KDM4C: variants seen among roughly 807,000 people sequenced by gnomAD.
The protein encoded by KDM4C is lysine demethylase 4C, also known as lysine-specific demethylase 4C.
KDM4C carries 81 observed loss-of-function variants against 129.3 expected under a neutral mutation model. That is an observed-to-expected ratio of 0.63 (90% CI 0.52 to 0.75). The LOEUF (loss-of-function observed/expected upper bound fraction) is 0.75. Ranked by LOEUF, KDM4C falls within the 30% of genes least tolerant of loss-of-function variation. The probability of loss-of-function intolerance (pLI) is 0.00; values close to 1 mark genes in which losing one functional copy is unlikely to be tolerated. For missense variants in KDM4C, 1,457 were observed against 1,304.0 expected (o/e 1.12, Z -1.81); for synonymous variants, 573 against 456.1 (o/e 1.26, Z -3.26).
At chr9:6,988,510 G>GTT (rs1818143312) in intron 11 of KDM4C, among the ~76,000 whole-genome samples, 1 of 43,044 alleles carries the variant, frequency 2.3e-5, no homozygotes, top group South Asian at 1.1e-3. Flanking sequence ...CATGGTGTTG[G>GTT]ATAACTCCTA....
intron 17 of KDM4C, among the ~76,000 whole-genome samples, chr9:7,072,294 C>T (rs923281537): frequency 3.9e-5 from 6 of 152,136 alleles, no homozygotes; most frequent in South Asian, 2.1e-4. Flanking sequence ...CCAGCAATCC[C>T]ACTTCTAGGA....
At chr9:6,738,909 G>T (rs948772688) in intron 1 of KDM4C, among the ~76,000 whole-genome samples, 3 of 151,454 alleles carry the variant, frequency 2.0e-5, no homozygotes, top group African/African-American at 7.3e-5. Context: ...TATATTTTTT[G>T]TAGAGATGGG....
At chr9:6,807,610 C>T (rs1240858354) in intron 3 of KDM4C, among the ~76,000 whole-genome samples, 1 of 150,666 alleles carries the variant, frequency 6.6e-6, no homozygotes, top group South Asian at 2.1e-4. Flanking sequence ...TCTGCCCAGC[C>T]GCCCCGTCTG....
intron 4 of KDM4C, among the ~76,000 whole-genome samples, chr9:6,839,688 C>T (rs1836559349): frequency 6.6e-6 from 1 of 152,076 alleles, no homozygotes. Flanking sequence ...AGGAGGATCA[C>T]TTGAGGTCAG....
At chr9:6,847,843 A>G (rs762262846) in intron 4 of KDM4C, among the ~76,000 whole-genome samples, 6 of 152,222 alleles carry the variant, frequency 3.9e-5, no homozygotes, top group Non-Finnish European at 8.8e-5. Context: ...TCAGAGTTTC[A>G]TTAGCTGCTT....
chr9:6,772,424 C>G (rs1238439978), intron 1 of KDM4C, among the ~76,000 whole-genome samples: 2 of 152,098 alleles, frequency 1.3e-5, no homozygotes, highest in African/African-American at 4.8e-5. Context: ...TGCAATGGCA[C>G]GATCTTGGCT....
intron 1 of KDM4C, among the ~76,000 whole-genome samples, chr9:6,769,006 C>G (rs1198980616): frequency 1.3e-5 from 2 of 152,094 alleles, no homozygotes; most frequent in Non-Finnish European, 2.9e-5. Context: ...CTCCTGACCT[C>G]AAATGATCCA....
At chr9:7,087,171 C>T (rs540582342) in intron 17 of KDM4C, among the ~76,000 whole-genome samples, 5 of 150,964 alleles carry the variant, frequency 3.3e-5, no homozygotes, top group East Asian at 1.9e-4. Flanking sequence ...TTCTGACCAG[C>T]GTGCGTTTAG....
intron 4 of KDM4C, chr9:6,835,238 A>G (rs1835671419): frequency 2.2e-6 from 2 of 912,876 alleles, no homozygotes; most frequent in Non-Finnish European, 3.7e-6. Context: ...GCACTCTTCC[A>G]GCTTTCCTTC....
rs564846422 is a variant in KDM4C, at chr9:7,136,015, A to G, written c.2781+7779A>G. ...AAAACACCCAGTGGAGGTTATTGAC[A>G]GTAAATTCGGGGAATGAAGCAATTG... On this transcript the variant is annotated intron_variant, in intron 19 of 21. Transcript: ENST00000381309. Among the ~76,000 whole-genome samples, 5 of 152,378 alleles carry G rather than the reference A, an allele frequency of 3.3e-5. No homozygotes were observed. In the East Asian group the frequency reaches 9.6e-4, roughly 29 times the overall value.
chr9:7,120,673 C>A (rs993649524), intron 18 of KDM4C, among the ~76,000 whole-genome samples: 1 of 152,128 alleles, frequency 6.6e-6, no homozygotes, highest in Non-Finnish European at 1.5e-5. Context: ...TCTTATATCA[C>A]ATTTGCCTTA....
chr9:6,757,606 G>A (rs1487314156), upstream of KDM4C: 9 of 984,894 alleles, frequency 9.1e-6, no homozygotes, highest in Non-Finnish European at 1.1e-5. Flanking sequence ...GCTCCACCCC[G>A]GTAACGCCAC....
chr9:6,910,197 A>G (rs1295605946), intron 8 of KDM4C, among the ~76,000 whole-genome samples: 1 of 151,952 alleles, frequency 6.6e-6, no homozygotes, highest in East Asian at 1.9e-4. Flanking sequence ...CTTTTTTGCC[A>G]TTAGGGGTCG....
At chr9:6,885,500 C>G (rs1390619345) in intron 6 of KDM4C, among the ~76,000 whole-genome samples, 1 of 151,892 alleles carries the variant, frequency 6.6e-6, no homozygotes, top group South Asian at 2.1e-4. Flanking sequence ...GTTGGGGTCT[C>G]TGGAATACAA....
chr9:6,818,299 C>A (rs4740861), intron 4 of KDM4C, among the ~76,000 whole-genome samples: 85,778 of 152,018 alleles, frequency 0.56, 24,758 homozygotes, highest in African/African-American at 0.69. Flanking sequence ...CCTTGTATTA[C>A]ATGGTGGATT....
At chr9:7,169,049 T>TAAA (rs77258477) in intron 20 of KDM4C, among the ~76,000 whole-genome samples, 4 of 128,074 alleles carry the variant, frequency 3.1e-5, no homozygotes, top group Non-Finnish European at 6.5e-5. Context: ...TGTCTCAATT[T>TAAA]AAAAAAAAAA....
At position 6,849,697 on chromosome 9, in the gene KDM4C, C is replaced by T; in HGVS notation, c.626C>T (p.Ser209Phe). Residue 209 changes from serine to phenylalanine, a missense_variant, in exon 5 of 22, where the codon TCT becomes TTT. Transcript: ENST00000381309. The stretch of plus-strand genomic sequence containing the variant: ...TATCTCCACTTTGGAGAGCCCAAGT[C>T]TTGGCAAGTTACTTGTTTAATATTC... Reference protein sequence around the residue: ...INYLHFGEPKSWYAIPPEHGK... With the variant: ...INYLHFGEPKFWYAIPPEHGK... 6.5e-7 allele frequency: 1 copy of T among 1,548,472 alleles called. No individual in the cohort carries two copies. The highest frequency in any genetic ancestry group is 8.8e-7 in the Non-Finnish European group (1 of 1,138,830).
intron 8 of KDM4C, among the ~76,000 whole-genome samples, chr9:6,955,023 A>G (rs908598812): frequency 1.3e-5 from 2 of 152,188 alleles, no homozygotes; most frequent in African/African-American, 4.8e-5. Flanking sequence ...AACGTGAACA[A>G]TGATGTACTA....
chr9:6,921,093 C>T (rs771625141), intron 8 of KDM4C, among the ~76,000 whole-genome samples: 4 of 152,152 alleles, frequency 2.6e-5, no homozygotes, highest in African/African-American at 7.2e-5. Flanking sequence ...CTTCCCTTCT[C>T]GGTCAGTTTT....
Sources: gnomAD v4.1 joint callset for allele counts (sites outside exome capture counted in the v4.1 genomes callset) on GRCh38, gnomAD v4.1.1 for gene constraint, MANE v1.5 for transcripts, NCBI Gene and HGNC (gene_info 2026-07-23, HGNC 2026-07-21) for gene names.